The following QSOX1 variants were observed in gnomAD, a reference collection of about 807,000 sequenced individuals.
QSOX1 encodes quiescin sulfhydryl oxidase 1, also known as sulfhydryl oxidase 1.
In QSOX1, 40 loss-of-function variants were observed where a neutral mutation model predicts 76.1. The ratio of observed to expected loss-of-function variants is 0.53; its 90% CI spans 0.41 to 0.68. The LOEUF is 0.68. Among genes scored for constraint, QSOX1 ranks in the 30% least tolerant of loss-of-function variants. The pLI, the probability that QSOX1 is intolerant of heterozygous loss-of-function variation, is 0.00. For missense variants in QSOX1, 931 were observed against 974.3 expected (o/e 0.96, Z 0.59); for synonymous variants, 392 against 413.1 (o/e 0.95, Z 0.62).
chr1:180,163,954 C>T (rs1409665663), intron 1 of QSOX1, among the ~76,000 whole-genome samples: 4 of 152,106 alleles, frequency 2.6e-5, no homozygotes, highest in Admixed American at 2.0e-4. Flanking sequence ...TCATGGGACA[C>T]GGAGGGTAGG....
At chr1:180,192,362 T>C (rs1663340305) in intron 10 of QSOX1, among the ~76,000 whole-genome samples, 1 of 152,112 alleles carries the variant, frequency 6.6e-6, no homozygotes, top group African/African-American at 2.4e-5. Flanking sequence ...GAGAAGCCAC[T>C]GGAGAGGCTA....
rs1002899662 is a variant in QSOX1 at position 180,199,528 on chromosome 1, G to A, written c.*2491G>A. The A allele has an allele frequency of 9.2e-5, 14 of 152,132 alleles. No homozygotes were observed. Among genetic ancestry groups the A allele is most frequent in the African/African-American group, 3.4e-4 (14 of 41,424 alleles). The allele number at this position is 152,132 out of a possible 1,614,324, so 9.4% of individuals were successfully genotyped here. On this transcript the variant is annotated 3_prime_UTR_variant, in exon 12 of 12. Transcript: ENST00000367602. Reference sequence around the variant, plus strand: ...TAGCAAGGAAATAAGGAGGAACGGGGGTTACGGGCAGAGGAGAAAGCACAT... The same window carrying A: ...TAGCAAGGAAATAAGGAGGAACGGGAGTTACGGGCAGAGGAGAAAGCACAT...
Position 180,197,042 on chromosome 1 carries a change from C to T in QSOX1, c.*5C>T. On this transcript the variant is annotated 3_prime_UTR_variant, in exon 12 of 12. Transcript: ENST00000367602. ...GCTGGCCACCCTGCAGCCTGAACCA[C>T]CTGGGGAGGAGGCGGGAGAGGGAGC... 1 of 1,600,170 alleles carries T rather than the reference C, an allele frequency of 6.2e-7. No homozygotes were observed. The highest frequency in any genetic ancestry group is 8.5e-7 in the Non-Finnish European group (1 of 1,173,406).
chr1:180,182,341 G>A (rs762728143), intron 6 of QSOX1, 22 bp downstream of exon 6: 26 of 1,613,120 alleles, frequency 1.6e-5, no homozygotes, highest in Admixed American at 1.3e-4. Flanking sequence ...GTCTCCTGGC[G>A]TCCCCTCTCG....
intron 4 of QSOX1, among the ~76,000 whole-genome samples, chr1:180,176,759 A>G (rs979377898): frequency 6.6e-6 from 1 of 152,230 alleles, no homozygotes; most frequent in Admixed American, 6.5e-5. Context: ...GCCAAGAAGG[A>G]ACAAATCCAT....
At position 180,190,517 on chromosome 1, in the gene QSOX1, G is replaced by T; in HGVS notation, c.1225G>T (p.Val409Phe). The T allele has an allele frequency of 6.2e-7, 1 of 1,614,200 alleles. No individual in the cohort carries two copies. The change falls in exon 10 of 12, where the codon GTC (valine) becomes TTC (phenylalanine). Residue 409 changes from valine to phenylalanine, a missense_variant. Physicochemically the swap from Val to Phe is conservative, Grantham distance 50 (BLOSUM62 -1). Coordinates refer to ENST00000367602, the MANE Select transcript of QSOX1 (RefSeq NM_002826.5). ...HFRGFPCSLW[V>F]LFHFLTVQAA... The stretch of plus-strand genomic sequence containing the variant: ...CCGGGGCTTTCCCTGCTCCCTGTGG[G>T]TCCTCTTCCACTTCTTGACTGTGCA...
At chr1:180,165,974 C>A (rs1200885536) in intron 1 of QSOX1, among the ~76,000 whole-genome samples, 1 of 152,200 alleles carries the variant, frequency 6.6e-6, no homozygotes, top group Non-Finnish European at 1.5e-5. Flanking sequence ...GTTCCTGATA[C>A]CCTTTACCCC....
intron 2 of QSOX1, among the ~76,000 whole-genome samples, chr1:180,172,786 T>C (rs1041202845): frequency 6.6e-6 from 1 of 152,234 alleles, no homozygotes. Context: ...CCCAAAGTGC[T>C]GGGATTACCG....
chr1:180,159,941 C>T (rs1480040138), intron 1 of QSOX1, among the ~76,000 whole-genome samples: 2 of 152,286 alleles, frequency 1.3e-5, no homozygotes, highest in South Asian at 2.1e-4. Flanking sequence ...CAGTAATCAT[C>T]GTTTTGGGTT....
intron 10 of QSOX1, among the ~76,000 whole-genome samples, chr1:180,193,883 C>G (rs1663389087): frequency 6.6e-6 from 1 of 152,130 alleles, no homozygotes; most frequent in Non-Finnish European, 1.5e-5. Flanking sequence ...CCCCTGCTGA[C>G]CTCTCTCACC....
At chr1:180,191,176 A>G (rs1305567329) in intron 10 of QSOX1, among the ~76,000 whole-genome samples, 3 of 152,200 alleles carry the variant, frequency 2.0e-5, no homozygotes, top group Admixed American at 1.3e-4. Context: ...TTGAGGAACC[A>G]GGTTTATACC....
intron 1 of QSOX1, among the ~76,000 whole-genome samples, chr1:180,159,709 C>T (rs916135444): frequency 6.6e-6 from 1 of 152,162 alleles, no homozygotes; most frequent in African/African-American, 2.4e-5. Context: ...ACTGTTAACT[C>T]ACTCTCTCCT....
At chr1:180,186,779 G>A (rs181238569) in intron 8 of QSOX1, among the ~76,000 whole-genome samples, 11 of 152,318 alleles carry the variant, frequency 7.2e-5, no homozygotes, top group African/African-American at 1.9e-4. Flanking sequence ...TGTCCTCCCC[G>A]ATTTAAGAGG....
chr1:180,154,945 CGCTGCT>C lies in QSOX1; in HGVS notation c.52_57del (p.Leu18_Leu19del), dbSNP rs760402375. On this transcript the variant is annotated inframe_deletion, in exon 1 of 12. Transcript: ENST00000367602. ...AACAGCGGCTCCGGGCCGCCGCCGT[CGCTGCT>C]GCTGCTGCTGCTGTGGCTGCTCGCG... 2.7e-6 allele frequency: 4 copies of C among 1,482,098 alleles called. No individual in the cohort carries two copies. Among genetic ancestry groups the C allele is most frequent in the Non-Finnish European group, 3.6e-6 (4 of 1,124,916 alleles). 91.8% of individuals were successfully genotyped at this position (1,482,098 alleles called of 1,614,324 possible).
At position 180,198,182 on chromosome 1, in the gene QSOX1, C is replaced by A; in HGVS notation, c.*1145C>A. On this transcript the variant is annotated 3_prime_UTR_variant, in exon 12 of 12. Transcript: ENST00000367602. ...GGCCACAGACTGCCCATAGAACTGT[C>A]TGCACCCAAACCCCATGGCCTTTTC... 2.2e-6 allele frequency: 1 copy of A among 456,718 alleles called. No individual in the cohort carries two copies. The allele number at this position is 456,718 out of a possible 1,614,324, so 28.3% of individuals were successfully genotyped here. A position where few individuals can be genotyped will look rare whatever the true frequency, so the allele number is the denominator to read the frequency against.
chr1:180,190,162 G>T (rs1411125368), intron 9 of QSOX1, among the ~76,000 whole-genome samples: 1 of 152,228 alleles, frequency 6.6e-6, no homozygotes, highest in Non-Finnish European at 1.5e-5. Flanking sequence ...GACTTGTAGG[G>T]TGTCAAATCT....
Position 180,196,545 on chromosome 1 carries a change from G to T in QSOX1, c.1752G>T (p.Glu584Asp), listed in dbSNP as rs1258347651. Reference protein sequence around the residue: ...RNSTLDPGKPEMMKSPTNTTP... With the variant: ...RNSTLDPGKPDMMKSPTNTTP... ...CAACTCTGGACCCTGGGAAGCCTGA[G>T]ATGATGAAGTCCCCCACAAACACCA... Residue 584 changes from glutamate (E) to aspartate (D), a missense_variant, in exon 12 of 12, where the codon GAG becomes GAT. Glu to Asp is a conservative substitution (Grantham distance 45). Transcript: ENST00000367602. The surrounding 1 kb of genome is among the most constrained non-coding windows in gnomAD (Gnocchi z 4.1). 2.5e-6 allele frequency: 4 copies of T among 1,614,080 alleles called. No homozygotes were observed. The highest frequency in any genetic ancestry group is 3.4e-6 in the Non-Finnish European group (4 of 1,180,042).
At position 180,201,750 on chromosome 1, in the gene QSOX1, C is replaced by A. The variant is rs982653745; in HGVS notation, c.*4713C>A. The stretch of plus-strand genomic sequence containing the variant: ...AGAAGCTGCCCTCTCATCCCTTCCT[C>A]TCCCACCCTGGGCCTCTGCCCTCTG... On this transcript the variant is annotated 3_prime_UTR_variant, in exon 12 of 12. Coordinates refer to ENST00000367602, the MANE Select transcript of QSOX1 (RefSeq NM_002826.5). 6.6e-6 allele frequency: 1 copy of A among 152,602 alleles called. No homozygotes were observed. The highest frequency in any genetic ancestry group is 2.4e-5 in the African/African-American group (1 of 41,452). The allele number at this position is 152,602 out of a possible 1,614,324, so 9.5% of individuals were successfully genotyped here.
At chr1:180,181,529 C>T (rs1339272656) in intron 5 of QSOX1, among the ~76,000 whole-genome samples, 3 of 152,178 alleles carry the variant, frequency 2.0e-5, no homozygotes, top group African/African-American at 7.2e-5. Context: ...TAGAAGTTTA[C>T]CCAATTCCAA....
Sources: gnomAD v4.1 joint callset for allele counts (sites outside exome capture counted in the v4.1 genomes callset) on GRCh38, gnomAD v4.1.1 for gene constraint, Gnocchi (gnomAD v3.1) non-coding constraint, MANE v1.5 for transcripts, NCBI Gene and HGNC (gene_info 2026-07-23, HGNC 2026-07-21) for gene names.